The following CCDC17 variants were observed in gnomAD, a reference collection of about 807,000 sequenced individuals.
The protein encoded by CCDC17 is coiled-coil domain-containing protein 17.
CCDC17 carries 79 observed loss-of-function variants against 68.0 expected under a neutral mutation model. That is an observed-to-expected ratio of 1.16 (90% confidence interval 0.97 to 1.40). The LOEUF is 1.40. Ranked by LOEUF, CCDC17 falls within the 40% of genes most tolerant of loss-of-function variation. The pLI is 0.00. For synonymous variants in CCDC17, 376 were observed against 337.5 expected, an observed-to-expected ratio of 1.11 and a Z score of -1.25; for missense variants, 846 against 811.5, an observed-to-expected ratio of 1.04 and a Z score of -0.52.
chr1:45,620,244 TTCAGA>T lies in CCDC17; in HGVS notation c.*26_*30del. 3 of 1,598,576 alleles carry T rather than the reference TTCAGA, an allele frequency of 1.9e-6. No homozygotes were observed. Among genetic ancestry groups the T allele is most frequent in the Non-Finnish European group, 2.6e-6 (3 of 1,174,572 alleles). On this transcript the variant is annotated 3_prime_UTR_variant, in exon 13 of 13. Transcript: ENST00000528266. ...GAAATAGGCCCCAGTCCTGTGCATG[TTCAGA>T]TGCTCATCTCCACATTCACTTGGGT... is the stretch of plus-strand genomic sequence containing the variant.
At position 45,620,736 on chromosome 1, in the gene CCDC17, T is replaced by G; in HGVS notation, c.1697A>C (p.Gln566Pro). The G allele has an allele frequency of 6.2e-7, 1 of 1,605,198 alleles. No homozygotes were observed. The highest frequency in any genetic ancestry group is 2.2e-5 in the East Asian group (1 of 44,624). ...EINPASVHEY[Q>P]YPPPVSSTSS... ...CTGGGCCCTCACCGGAGGTGGGTAC[T>G]GGTACTCATGGACACTTGCTGGATT... The change falls in exon 12 of 13, where the codon CAG (glutamine) becomes CCG (proline). Residue 566 changes from glutamine to proline, a missense_variant. Gln to Pro is a moderately conservative substitution (Grantham distance 76). Coordinates refer to ENST00000528266, the MANE Select transcript of CCDC17 (RefSeq NM_001114938.3).
At position 45,620,070 on chromosome 1, in the gene CCDC17, A is replaced by G. The variant is rs1644192707; in HGVS notation, c.*205T>C. 3.9e-6 allele frequency: 2 copies of G among 517,586 alleles called. No homozygotes were observed. Among genetic ancestry groups the G allele is most frequent in the South Asian group, 5.9e-5 (2 of 33,740 alleles). The allele number at this position is 517,586 out of a possible 1,614,324, so 32.1% of individuals were successfully genotyped here. On this transcript the variant is annotated 3_prime_UTR_variant, in exon 13 of 13. Coordinates refer to ENST00000528266, the MANE Select transcript of CCDC17 (RefSeq NM_001114938.3). Reference sequence around the variant, plus strand: ...ACCTGACAAACTCATTTAATCCTTAATCTGTTTTACAAAAACAGAAGAGGT... The same window carrying G: ...ACCTGACAAACTCATTTAATCCTTAGTCTGTTTTACAAAAACAGAAGAGGT...
At chr1:45,621,772 G>C (rs772472177) in intron 8 of CCDC17, 37 bp from the exon 9 acceptor site, 1 of 1,609,484 alleles carries the variant, frequency 6.2e-7, no homozygotes, top group African/African-American at 1.3e-5. Flanking sequence ...AGAAAGCCTT[G>C]TAGCTGCTCA....
chr1:45,623,419 G>T lies in CCDC17; in HGVS notation c.291C>A (p.Ser97=), dbSNP rs1040401008. Residue 97 remains serine (S), a synonymous_variant, in exon 3 of 13, where the codon TCC becomes TCA. Transcript: ENST00000528266. Reference sequence around the variant, plus strand: ...TTATCCAGGGCCGCATTTCCTGTAGGGATAGCCGCAGCCACTGCACCTGGA... The same window carrying T: ...TTATCCAGGGCCGCATTTCCTGTAGTGATAGCCGCAGCCACTGCACCTGGA... ...LTEEVQWLRL[S]LQEMRPWITE... 8.4e-6 allele frequency: 13 copies of T among 1,550,464 alleles called. No homozygotes were observed. Among genetic ancestry groups the T allele is most frequent in the African/African-American group, 1.4e-5 (1 of 73,070 alleles).
chr1:45,621,642 G>T lies in CCDC17; in HGVS notation c.1180C>A (p.Pro394Thr). 6.2e-7 allele frequency: 1 copy of T among 1,613,648 alleles called. No individual in the cohort carries two copies. Among genetic ancestry groups the T allele is most frequent in the Non-Finnish European group, 8.5e-7 (1 of 1,179,750 alleles). The stretch of plus-strand genomic sequence containing the variant: ...CGAAGGTGGCACGGGCCTCACCCAG[G>T]ATCATAGGGTGCAGGGCCCAGCATG... Reference protein sequence around the residue: ...SDMLGPAPYDPGAGLVIFYDF... With the variant: ...SDMLGPAPYDTGAGLVIFYDF... The change falls in exon 9 of 13, where the codon CCT (proline) becomes ACT (threonine). Residue 394 changes from proline to threonine, a missense_variant. By Grantham distance (38) the Pro-to-Thr change is conservative (BLOSUM62 -1). Coordinates refer to ENST00000528266, the MANE Select transcript of CCDC17 (RefSeq NM_001114938.3).
rs1423466040 is a variant in CCDC17 at position 45,621,024 on chromosome 1, C to G, written c.1478G>C (p.Trp493Ser). 6.2e-7 allele frequency: 1 copy of G among 1,613,942 alleles called. No individual in the cohort carries two copies. Residue 493 changes from tryptophan to serine, a missense_variant, in exon 11 of 13, where the codon TGG becomes TCG. Physicochemically the swap from Trp to Ser is radical, Grantham distance 177 (BLOSUM62 -3). Transcript: ENST00000528266. ...TTGGTCAAATAGTCCAAGTGAGACC[C>G]AAGCCTTTGGCTGTGGTGCCCTAGC... ...AWARAPQPKA[W>S]VSLGLFDQDQ...
rs368839811 is a variant in CCDC17 at position 45,622,732 on chromosome 1, C to G, written c.740+19G>C. ...GCTCAGCGCTTCGCCCTATGCCCAT[C>G]TCCGGCCCCGGCTCTCACCGGATTT... is the stretch of plus-strand genomic sequence containing the variant. On this transcript the variant is annotated intron_variant, in intron 5 of 12. Coordinates refer to ENST00000528266, the MANE Select transcript of CCDC17 (RefSeq NM_001114938.3). The G allele has an allele frequency of 8.9e-6, 14 of 1,572,338 alleles. No homozygotes were observed. In the African/African-American group the frequency reaches 1.6e-4, roughly 18 times the overall value.
At position 45,620,812 on chromosome 1, in the gene CCDC17, G is replaced by T. The variant is rs756861130; in HGVS notation, c.1621C>A (p.Leu541Met). Reference sequence around the variant, plus strand: ...GCATCTCTTGCATTCACCAGCCGCAGAAAGAGCTCAGCCTGACCTGCCTGG... The same window carrying T: ...GCATCTCTTGCATTCACCAGCCGCATAAAGAGCTCAGCCTGACCTGCCTGG... ...IPQAGQAELF[L>M]RLVNARDAAV... Residue 541 changes from leucine (L) to methionine (M), a missense_variant, in exon 12 of 13, where the codon CTG becomes ATG. Physicochemically the swap from Leu to Met is conservative, Grantham distance 15. Coordinates refer to ENST00000528266, the MANE Select transcript of CCDC17 (RefSeq NM_001114938.3). 1 of 1,611,492 alleles carries T rather than the reference G, an allele frequency of 6.2e-7. No individual in the cohort carries two copies. Among genetic ancestry groups the T allele is most frequent in the Admixed American group, 1.7e-5 (1 of 59,472 alleles).
In CCDC17 at chr1:45,621,481, A is replaced by C. The variant is rs1172070475; in HGVS notation, c.1188T>G (p.Ala396=). The C allele has an allele frequency of 6.3e-7, 1 of 1,583,506 alleles. No homozygotes were observed. Among genetic ancestry groups the C allele is most frequent in the Non-Finnish European group, 8.6e-7 (1 of 1,165,300 alleles). Reference sequence around the variant, plus strand: ...GGAAATCATAGAAAATGACCAGGCCAGCCCTGGGGAACACAAGTCTTAGCA... The same window carrying C: ...GGAAATCATAGAAAATGACCAGGCCCGCCCTGGGGAACACAAGTCTTAGCA... ...MLGPAPYDPG[A]GLVIFYDFLR... The change falls in exon 10 of 13, where the codon GCT becomes GCG. Residue 396 remains alanine, a synonymous_variant. Coordinates refer to ENST00000528266, the MANE Select transcript of CCDC17 (RefSeq NM_001114938.3).
chr1:45,621,041 T>C lies in CCDC17; in HGVS notation c.1461A>G (p.Ala487=). The part of the protein sequence containing the change: ...QVWQGLAWAR[A]PQPKAWVSLG... Reference sequence around the variant, plus strand: ...GTGAGACCCAAGCCTTTGGCTGTGGTGCCCTAGCCCATGCTAGCCCCTGCC... The same window carrying C: ...GTGAGACCCAAGCCTTTGGCTGTGGCGCCCTAGCCCATGCTAGCCCCTGCC... The change falls in exon 11 of 13, where the codon GCA becomes GCG. Residue 487 remains alanine (A), a synonymous_variant. Transcript: ENST00000528266. 1 of 1,614,000 alleles carries C rather than the reference T, an allele frequency of 6.2e-7. No individual in the cohort carries two copies. Among genetic ancestry groups the C allele is most frequent in the Non-Finnish European group, 8.5e-7 (1 of 1,179,878 alleles).
rs767047954 is a variant in CCDC17 at position 45,621,322 on chromosome 1, C to A, written c.1347G>T (p.Met449Ile). The A allele has an allele frequency of 5.0e-6, 8 of 1,587,882 alleles. No individual in the cohort carries two copies. Among genetic ancestry groups the A allele is most frequent in the East Asian group, 2.3e-5 (1 of 43,706 alleles). The change falls in exon 10 of 13, where the codon ATG (methionine) becomes ATT (isoleucine). Residue 449 changes from methionine to isoleucine, a missense_variant. Physicochemically the swap from Met to Ile is conservative, Grantham distance 10. Coordinates refer to ENST00000528266, the MANE Select transcript of CCDC17 (RefSeq NM_001114938.3). ...TGCTGGCAAGGATGGCACAGTTGCC[C>A]ATGGGCCCGGGAGCAGGAGGTGGGG... ...CLPPPPAPGPMGNCAILASRQ... is the reference protein window; with the variant it reads ...CLPPPPAPGPIGNCAILASRQ...
At position 45,622,672 on chromosome 1, in the gene CCDC17, G is replaced by T; in HGVS notation, c.741-5C>A. ...ATGTAGGCCTCCCGCAGCGCCCTAG[G>T]GAGTGGGGAACAGGAAGGCCGTCTT... On this transcript the variant is annotated splice_region_variant and splice_polypyrimidine_tract_variant and intron_variant, in intron 5 of 12. Coordinates refer to ENST00000528266, the MANE Select transcript of CCDC17 (RefSeq NM_001114938.3). 2.6e-6 allele frequency: 4 copies of T among 1,554,838 alleles called. No homozygotes were observed. Among genetic ancestry groups the T allele is most frequent in the Non-Finnish European group, 3.5e-6 (4 of 1,148,902 alleles).
chr1:45,622,802 A>C lies in CCDC17; in HGVS notation c.689T>G (p.Leu230Arg). The change falls in exon 5 of 13, where the codon CTT becomes CGT. Residue 230 changes from leucine (L) to arginine (R), a missense_variant. Transcript: ENST00000528266. ...GTTGGCCTTTTGCACTGGAGAATAA[A>C]GTTCTGCCTCTCGCCGGGAGCTCAG... The part of the protein sequence containing the change: ...NPLSSRREAE[L>R]YSPVQKANPG... 4 of 1,602,474 alleles carry C rather than the reference A, an allele frequency of 2.5e-6. No individual in the cohort carries two copies. The highest frequency in any genetic ancestry group is 3.4e-6 in the Non-Finnish European group (4 of 1,174,748).
chr1:45,622,018 G>GC, intron 7 of CCDC17, 23 bp from the exon 8 acceptor site: 1 of 1,579,500 alleles, frequency 6.3e-7, no homozygotes, highest in Non-Finnish European at 8.6e-7. Context: ...GAGTTAGGGT[G>GC]CCCCTAAGTT....
chr1:45,623,848 C>T lies in CCDC17; in HGVS notation c.62G>A (p.Arg21His), dbSNP rs908069181. ...ATGGGTGGCTAACAGAGCTGAGGAGCGGAAAACCATGTCACAGGTCCCACA... is the reference window on the plus strand; with the variant it reads ...ATGGGTGGCTAACAGAGCTGAGGAGTGGAAAACCATGTCACAGGTCCCACA... ...LPCGTCDMVFRSSALLATHTQ... is the reference protein window; with the variant it reads ...LPCGTCDMVFHSSALLATHTQ... Residue 21 changes from arginine (R) to histidine (H), a missense_variant, in exon 1 of 13, where the codon CGC (arginine) becomes CAC (histidine). Coordinates refer to ENST00000528266, the MANE Select transcript of CCDC17 (RefSeq NM_001114938.3). The T allele has an allele frequency of 2.6e-6, 4 of 1,550,762 alleles. No homozygotes were observed. The highest frequency in any genetic ancestry group is 2.4e-5 in the South Asian group (2 of 83,952).
intron 6 of CCDC17, 33 bp downstream of exon 6, chr1:45,622,516 T>A: frequency 6.5e-7 from 1 of 1,543,900 alleles, no homozygotes; most frequent in South Asian, 1.2e-5. Flanking sequence ...CTCCCAGGAC[T>A]GACCACCGCT....
chr1:45,620,417 G>A lies in CCDC17; in HGVS notation c.1727C>T (p.Ser576Leu), dbSNP rs1405316927. The change falls in exon 13 of 13, where the codon TCA (serine) becomes TTA (leucine). Residue 576 changes from serine (S) to leucine (L), a missense_variant. Transcript: ENST00000528266. The part of the protein sequence containing the change: ...QYPPPVSSTS[S>L]LEASFLTPAV... ...GGGGGTGAGGAAGCTGGCTTCCAGTGAAGATGTGCTGGACACCTGTGGAAC... is the reference window on the plus strand; with the variant it reads ...GGGGGTGAGGAAGCTGGCTTCCAGTAAAGATGTGCTGGACACCTGTGGAAC... 6.3e-7 allele frequency: 1 copy of A among 1,584,798 alleles called. No individual in the cohort carries two copies. Among genetic ancestry groups the A allele is most frequent in the Admixed American group, 1.9e-5 (1 of 52,050 alleles).
In CCDC17 at chr1:45,623,982, G is replaced by C; in HGVS notation, c.-73C>G. 9.4e-7 allele frequency: 1 copy of C among 1,069,176 alleles called. No homozygotes were observed. The highest frequency in any genetic ancestry group is 1.3e-6 in the Non-Finnish European group (1 of 751,736). The allele number at this position is 1,069,176 out of a possible 1,614,324, so 66.2% of individuals were successfully genotyped here. ...CAAGGGCAGGGGAAAGGCAGAGGAG[G>C]ATGAAAGAGACATAAAGCCAGAGGC... On this transcript the variant is annotated 5_prime_UTR_variant, in exon 1 of 13. It adds an upstream start codon to the 5' untranslated region. Coordinates refer to ENST00000528266, the MANE Select transcript of CCDC17 (RefSeq NM_001114938.3).
chr1:45,620,744 A>G lies in CCDC17; in HGVS notation c.1689T>C (p.His563=). ...TCACCGGAGGTGGGTACTGGTACTCATGGACACTTGCTGGATTGATCTCTG... is the reference window on the plus strand; with the variant it reads ...TCACCGGAGGTGGGTACTGGTACTCGTGGACACTTGCTGGATTGATCTCTG... ...TLAEINPASV[H]EYQYPPPVSS... is the part of the protein sequence containing the mutation. Residue 563 remains histidine, a synonymous_variant, in exon 12 of 13, where the codon CAT becomes CAC. Coordinates refer to ENST00000528266, the MANE Select transcript of CCDC17 (RefSeq NM_001114938.3). 1.2e-6 allele frequency: 2 copies of G among 1,607,470 alleles called. No homozygotes were observed. Among genetic ancestry groups the G allele is most frequent in the Non-Finnish European group, 1.7e-6 (2 of 1,176,970 alleles).
Sources: gnomAD v4.1 joint callset for allele counts on GRCh38, gnomAD v4.1.1 for gene constraint, MANE v1.5 for transcripts, NCBI Gene and HGNC (gene_info 2026-07-23, HGNC 2026-07-21) for gene names.